Variants in NRXN3 observed in about 807,000 individuals in gnomAD.
The protein encoded by NRXN3 is neurexin III.
Under a neutral mutation model 137.6 loss-of-function variants are expected in NRXN3, and 32 were observed. That is an observed-to-expected ratio of 0.23 (90% confidence interval 0.18 to 0.31). The LOEUF (loss-of-function observed/expected upper bound fraction) is 0.31, where lower values mean the gene tolerates loss of function less well. NRXN3 is among the 10% of genes least tolerant of loss of function. The pLI, the probability that NRXN3 is intolerant of heterozygous loss-of-function variation, is 1.00. For synonymous variants in NRXN3, 798 were observed against 784.5 expected (o/e 1.02, Z -0.29); for missense variants, 1,574 against 2,062.5 (o/e 0.76, Z 4.59).
intron 4 of NRXN3, among the ~76,000 whole-genome samples, chr14:78,411,444 T>A (rs2092823530): frequency 1.3e-5 from 2 of 152,178 alleles, no homozygotes. Flanking sequence ...ACTAGCCAGA[T>A]CACTTTGGTC....
intron 17 of NRXN3, among the ~76,000 whole-genome samples, chr14:79,680,693 G>T (rs2098666046): frequency 1.3e-5 from 2 of 152,128 alleles, no homozygotes; most frequent in Admixed American, 6.6e-5. Context: ...AGAAAAAAAA[G>T]AAGGTAATCC....
intron 15 of NRXN3, among the ~76,000 whole-genome samples, chr14:79,436,167 G>A (rs2095843384): frequency 6.6e-6 from 1 of 152,090 alleles, no homozygotes; most frequent in African/African-American, 2.4e-5. Context: ...GAGGTTATAA[G>A]GAATAAAGGG....
chr14:79,817,019 G>A (rs2099253604), intron 20 of NRXN3, among the ~76,000 whole-genome samples: 1 of 152,118 alleles, frequency 6.6e-6, no homozygotes, highest in Admixed American at 6.6e-5. Context: ...TGATAGTGCA[G>A]TATTTTGCTT....
At chr14:78,635,761 A>G (rs1009860739) in intron 4 of NRXN3, among the ~76,000 whole-genome samples, 5 of 152,256 alleles carry the variant, frequency 3.3e-5, no homozygotes, top group African/African-American at 1.2e-4. Context: ...GTGAGTATGT[A>G]TATATTGTAC....
At chr14:79,680,412 A>G (rs1269300527) in intron 17 of NRXN3, among the ~76,000 whole-genome samples, 1 of 151,904 alleles carries the variant, frequency 6.6e-6, no homozygotes, top group Non-Finnish European at 1.5e-5. Flanking sequence ...ACAGAAAAAA[A>G]GGTAAAACCA....
intron 4 of NRXN3, among the ~76,000 whole-genome samples, chr14:78,592,185 T>C (rs997462217): frequency 6.6e-6 from 1 of 152,226 alleles, no homozygotes; most frequent in Non-Finnish European, 1.5e-5. Context: ...TTCTACTAAC[T>C]GAACCATCTT....
intron 19 of NRXN3, among the ~76,000 whole-genome samples, chr14:79,753,570 T>TGGGGTGG (rs2099006611): frequency 1.5e-5 from 1 of 68,350 alleles, no homozygotes; most frequent in Non-Finnish European, 2.6e-5. Flanking sequence ...GGGACTGTTG[T>TGGGGTGG]GGGGTGGGGG....
intron 1 of NRXN3, among the ~76,000 whole-genome samples, chr14:78,216,017 CAGA>C (rs2153418329): frequency 1.3e-5 from 2 of 152,288 alleles, no homozygotes; most frequent in East Asian, 3.9e-4. Context: ...AAAGAGGAAA[CAGA>C]GGAGAAAGTT....
At chr14:78,191,669 T>A (rs1303478474) in intron 1 of NRXN3, among the ~76,000 whole-genome samples, 15 of 152,292 alleles carry the variant, frequency 9.8e-5, no homozygotes, top group Middle Eastern at 3.4e-3. Context: ...TGTCTAGGGC[T>A]GGTGTGATGG....
At chr14:79,511,811 A>G (rs182419944) in intron 16 of NRXN3, among the ~76,000 whole-genome samples, 50 of 152,340 alleles carry the variant, frequency 3.3e-4, no homozygotes, top group African/African-American at 1.2e-3. Flanking sequence ...AATAAGTGTT[A>G]AAAAACATTA....
At chr14:79,146,307 G>C (rs577392316) in intron 15 of NRXN3, among the ~76,000 whole-genome samples, 2 of 152,172 alleles carry the variant, frequency 1.3e-5, no homozygotes, top group African/African-American at 4.8e-5. Flanking sequence ...CCTGCCTTGT[G>C]GCTCTAGCAT....
intron 6 of NRXN3, among the ~76,000 whole-genome samples, chr14:78,698,922 C>A (rs2098253262): frequency 6.6e-6 from 1 of 152,056 alleles, no homozygotes; most frequent in Non-Finnish European, 1.5e-5. Flanking sequence ...GATATAGAGG[C>A]TTCTTTCTGC....
intron 1 of NRXN3, among the ~76,000 whole-genome samples, chr14:78,180,255 G>A (rs1034510775): frequency 2.0e-5 from 3 of 152,098 alleles, no homozygotes; most frequent in Non-Finnish European, 4.4e-5. Context: ...AGTTGGCAAG[G>A]TTTCACAAGA....
At chr14:79,680,921 G>C (rs1173003160) in intron 17 of NRXN3, among the ~76,000 whole-genome samples, 1 of 152,068 alleles carries the variant, frequency 6.6e-6, no homozygotes, top group East Asian at 1.9e-4. Context: ...TTATCGTCTT[G>C]GAGTCAATCC....
intron 2 of NRXN3, among the ~76,000 whole-genome samples, chr14:78,272,248 C>T (rs921703895): frequency 2.0e-5 from 3 of 152,140 alleles, no homozygotes; most frequent in Admixed American, 6.5e-5. Context: ...GTTTATGTGA[C>T]GCCCCAGCCT....
At chr14:79,186,203 T>G (rs2063522017) in intron 15 of NRXN3, among the ~76,000 whole-genome samples, 1 of 151,604 alleles carries the variant, frequency 6.6e-6, no homozygotes, top group African/African-American at 2.4e-5. Flanking sequence ...TGGTTCAACA[T>G]GAAATAGAAT....
intron 17 of NRXN3, among the ~76,000 whole-genome samples, chr14:79,667,760 A>G (rs932016854): frequency 6.6e-6 from 1 of 151,892 alleles, no homozygotes; most frequent in African/African-American, 2.4e-5. Context: ...AAAGTCTCTG[A>G]TTGTTGTCCC....
intron 15 of NRXN3, among the ~76,000 whole-genome samples, chr14:79,093,536 C>G (rs568503474): frequency 6.6e-6 from 1 of 152,222 alleles, no homozygotes; most frequent in South Asian, 2.1e-4. Context: ...ATGGCTTTAA[C>G]TAAGGGAATG....
chr14:79,541,459 T>A (rs771682702), intron 16 of NRXN3, among the ~76,000 whole-genome samples: 28 of 152,284 alleles, frequency 1.8e-4, no homozygotes, highest in Non-Finnish European at 3.2e-4. Flanking sequence ...TCCAGGATGA[T>A]CTCATCTAGA....
Sources: allele counts gnomAD v4.1 joint callset (sites outside exome capture counted in the v4.1 genomes callset), GRCh38; gene constraint gnomAD v4.1.1; transcripts MANE v1.5; gene names NCBI Gene and HGNC (gene_info 2026-07-23, HGNC 2026-07-21).